Variants in PCDHA9 observed in about 807,000 individuals in gnomAD.
The protein encoded by PCDHA9 is protocadherin alpha-9.
A neutral mutation model predicts 62.0 loss-of-function variants in PCDHA9; 62 were observed. The ratio of observed to expected loss-of-function variants is 1.00; its 90% confidence interval spans 0.81 to 1.23. The LOEUF (loss-of-function observed/expected upper bound fraction) is 1.23, where lower values mean the gene tolerates loss of function less well. Among genes scored for constraint, PCDHA9 ranks in the 50% most tolerant of loss-of-function variants. The pLI, the probability that PCDHA9 is intolerant of heterozygous loss-of-function variation, is 0.00. For synonymous variants in PCDHA9, 557 were observed against 567.6 expected (o/e 0.98, Z 0.27); for missense variants, 1,205 against 1,249.8 (o/e 0.96, Z 0.54).
At chr5:140,896,309 A>T (rs1554186897) in intron 1 of PCDHA9, among the ~76,000 whole-genome samples, 1 of 152,184 alleles carries the variant, frequency 6.6e-6, no homozygotes. Flanking sequence ...AAATCTTCAA[A>T]CTGCTTTCCA....
chr5:140,993,454 T>G (rs1343043993), intron 3 of PCDHA9, among the ~76,000 whole-genome samples: 1 of 133,974 alleles, frequency 7.5e-6, no homozygotes, highest in Non-Finnish European at 1.6e-5. Flanking sequence ...GTTCTCCTTC[T>G]TTCTTTCTCA....
chr5:140,935,605 T>C (rs1554210594), intron 1 of PCDHA9, among the ~76,000 whole-genome samples: 4 of 152,228 alleles, frequency 2.6e-5, no homozygotes. Flanking sequence ...AGAGCTAGGC[T>C]TTTTTCAAGT....
chr5:140,956,585 T>G (rs1004549488), intron 1 of PCDHA9, among the ~76,000 whole-genome samples: 4 of 152,198 alleles, frequency 2.6e-5, no homozygotes, highest in Non-Finnish European at 5.9e-5. Flanking sequence ...CATTGATGCT[T>G]ATCAGGGATA....
chr5:140,962,028 C>T (rs1046578713), intron 1 of PCDHA9, among the ~76,000 whole-genome samples: 81 of 152,150 alleles, frequency 5.3e-4, no homozygotes, highest in African/African-American at 1.8e-3. Context: ...GGACTACAGG[C>T]ACCCACCACC....
intron 3 of PCDHA9, among the ~76,000 whole-genome samples, chr5:140,999,091 T>A (rs1342614556): frequency 2.0e-5 from 3 of 152,208 alleles, no homozygotes; most frequent in African/African-American, 7.2e-5. Flanking sequence ...TTCAGAGGGC[T>A]ATGGAGAGTA....
chr5:140,964,363 G>A (rs1050460842), intron 1 of PCDHA9, among the ~76,000 whole-genome samples: 1 of 152,188 alleles, frequency 6.6e-6, no homozygotes, highest in Non-Finnish European at 1.5e-5. Flanking sequence ...GATGACAAGA[G>A]TGCTGAAAGG....
At chr5:140,927,793 C>A in intron 1 of PCDHA9, 1 of 1,614,180 alleles carries the variant, frequency 6.2e-7, no homozygotes, top group Non-Finnish European at 8.5e-7. Context: ...TTCACTAGGT[C>A]CGCCTGAAAC....
chr5:140,900,360 C>T (rs952432002), intron 1 of PCDHA9, among the ~76,000 whole-genome samples: 2 of 152,168 alleles, frequency 1.3e-5, no homozygotes, highest in Non-Finnish European at 2.9e-5. Flanking sequence ...TCACCGCAAC[C>T]TCTGCCTCCT....
chr5:140,968,476 G>A (rs1295691287), intron 1 of PCDHA9: 1 of 1,613,974 alleles, frequency 6.2e-7, no homozygotes, highest in East Asian at 2.2e-5. Flanking sequence ...TATATGTGGT[G>A]GACATGAATG....
rs781992926 is a variant in PCDHA9 at position 140,990,008 on chromosome 5, G to A, written c.2542+7445G>A. On this transcript the variant is annotated intron_variant, in intron 3 of 3. Coordinates refer to ENST00000532602, the MANE Select transcript of PCDHA9 (RefSeq NM_031857.2). ...CCTGAAATTGTCTATCTCCAAGGGCGTGGGCTAGGCAAAGGATGGGAGAAG... is the reference window on the plus strand; with the variant it reads ...CCTGAAATTGTCTATCTCCAAGGGCATGGGCTAGGCAAAGGATGGGAGAAG... Among the ~76,000 whole-genome samples the A allele has an allele frequency of 2.8e-4, 43 of 152,230 alleles. 1 individual carries two copies. The highest frequency in any genetic ancestry group is 9.1e-4 in the African/African-American group (38 of 41,532).
chr5:141,000,618 G>A (rs1354281260), intron 3 of PCDHA9, among the ~76,000 whole-genome samples: 1 of 150,858 alleles, frequency 6.6e-6, no homozygotes, highest in Non-Finnish European at 1.5e-5. Flanking sequence ...AGTAGAGACA[G>A]GGTTTCACCA....
chr5:140,938,843 C>T (rs1232774282), intron 1 of PCDHA9, among the ~76,000 whole-genome samples: 3 of 152,012 alleles, frequency 2.0e-5, no homozygotes, highest in Admixed American at 6.6e-5. Flanking sequence ...AACAAACCTG[C>T]CCATGTACCC....
At chr5:140,998,696 C>G (rs1587806526) in intron 3 of PCDHA9, among the ~76,000 whole-genome samples, 1 of 152,182 alleles carries the variant, frequency 6.6e-6, no homozygotes, top group East Asian at 1.9e-4. Flanking sequence ...TCCCAAGTAG[C>G]TGGGATTACA....
At chr5:140,884,496 G>T (rs782182672) in intron 1 of PCDHA9, 1 of 1,614,094 alleles carries the variant, frequency 6.2e-7, no homozygotes, top group Non-Finnish European at 8.5e-7. Flanking sequence ...GTGTGCTCCA[G>T]CGCGGCAGGG....
chr5:140,982,662 T>C (rs1325546785), intron 3 of PCDHA9, 99 bp downstream of exon 3: 4 of 1,476,284 alleles, frequency 2.7e-6, no homozygotes, highest in Admixed American at 2.6e-5. Context: ...CTTTTTCTTT[T>C]ATATTTTTGT....
At chr5:140,962,454 T>A (rs1554226040) in intron 1 of PCDHA9, among the ~76,000 whole-genome samples, 1 of 152,194 alleles carries the variant, frequency 6.6e-6, no homozygotes, top group Non-Finnish European at 1.5e-5. Flanking sequence ...TTGAATCTCT[T>A]ATGGCTTGAA....
At position 140,987,235 on chromosome 5, in the gene PCDHA9, T is replaced by G. The variant is rs189203030; in HGVS notation, c.2542+4672T>G. Among the ~76,000 whole-genome samples, 565 of 151,370 alleles carry G rather than the reference T, an allele frequency of 3.7e-3. 4 individuals are homozygous for G. The highest frequency in any genetic ancestry group is 0.013 in the African/African-American group (539 of 41,236). On this transcript the variant is annotated intron_variant, in intron 3 of 3. Transcript: ENST00000532602. Reference sequence around the variant, plus strand: ...TCTCAAAAAAAAAAAAAATAATAAATAAAGAAAGAAAGACATTCTCAGGAA... The same window carrying G: ...TCTCAAAAAAAAAAAAAATAATAAAGAAAGAAAGAAAGACATTCTCAGGAA...
chr5:140,930,084 A>T (rs1350674790), intron 1 of PCDHA9: 2 of 152,142 alleles, frequency 1.3e-5, no homozygotes, highest in Non-Finnish European at 2.9e-5. Flanking sequence ...CTCTCATAAC[A>T]TCTATTTATA....
chr5:140,937,343 A>G (rs1412775724), intron 1 of PCDHA9, among the ~76,000 whole-genome samples: 1 of 151,948 alleles, frequency 6.6e-6, no homozygotes, highest in Non-Finnish European at 1.5e-5. Context: ...GGCTTCTTCC[A>G]TTTATTTTAT....
Sources: gnomAD v4.1 joint callset for allele counts (sites outside exome capture counted in the v4.1 genomes callset) on GRCh38, gnomAD v4.1.1 for gene constraint, MANE v1.5 for transcripts, NCBI Gene and HGNC (gene_info 2026-07-23, HGNC 2026-07-21) for gene names.